Variants in UPF2 observed in about 807,000 individuals in gnomAD.
UPF2 encodes the protein regulator of nonsense transcripts 2.
In UPF2, 17 loss-of-function variants were observed where a neutral mutation model predicts 141.4. The observed-to-expected ratio is 0.12, with a 90% confidence interval of 0.08 to 0.18. UPF2 has a LOEUF of 0.18. Ranked by LOEUF, UPF2 falls within the 10% of genes least tolerant of loss-of-function variation. The probability of loss-of-function intolerance (pLI) is 1.00; values close to 1 mark genes in which losing one functional copy is unlikely to be tolerated. For synonymous variants in UPF2, 540 were observed against 498.0 expected (o/e 1.08, Z -1.12); for missense variants, 1,152 against 1,515.9 (o/e 0.76, Z 3.99).
At chr10:11,988,038 A>G (rs1394184460) in intron 8 of UPF2, among the ~76,000 whole-genome samples, 3 of 152,230 alleles carry the variant, frequency 2.0e-5, no homozygotes, top group African/African-American at 7.2e-5. Flanking sequence ...CCTAGAATAT[A>G]TAAATAACTC....
chr10:12,009,069 A>G (rs1834086279), intron 4 of UPF2, among the ~76,000 whole-genome samples: 1 of 151,718 alleles, frequency 6.6e-6, no homozygotes, highest in South Asian at 2.1e-4. Flanking sequence ...TATGTACCAC[A>G]TTTTCTCTAT....
chr10:12,038,213 T>C (rs1009954205), intron 1 of UPF2, among the ~76,000 whole-genome samples: 6 of 151,798 alleles, frequency 4.0e-5, no homozygotes, highest in Admixed American at 1.3e-4. Flanking sequence ...TGAAACCCCA[T>C]CTCTACTGAA....
At chr10:11,924,577 C>CA (rs57209815) in intron 21 of UPF2, among the ~76,000 whole-genome samples, 125,463 of 149,362 alleles carry the variant, frequency 0.84, 52,941 homozygotes, top group Non-Finnish European at 0.89. Flanking sequence ...CATGTCGTCT[C>CA]AAAAAAAAAA....
intron 8 of UPF2, among the ~76,000 whole-genome samples, chr10:11,988,530 C>A (rs148883316): frequency 6.6e-6 from 1 of 152,162 alleles, no homozygotes; most frequent in Admixed American, 6.5e-5. Context: ...GTCTCAGACT[C>A]CTGGCTTTAG....
At chr10:11,964,356 C>T (rs999831454) in intron 10 of UPF2, among the ~76,000 whole-genome samples, 9 of 152,102 alleles carry the variant, frequency 5.9e-5, no homozygotes, top group Non-Finnish European at 1.0e-4. Context: ...ATGTCAAACC[C>T]CTTTCTATAT....
At chr10:11,954,071 T>C (rs1833111178) in intron 14 of UPF2, among the ~76,000 whole-genome samples, 1 of 152,216 alleles carries the variant, frequency 6.6e-6, no homozygotes, top group Non-Finnish European at 1.5e-5. Context: ...TAGAAAATTG[T>C]ATTTTATGGG....
intron 21 of UPF2, among the ~76,000 whole-genome samples, chr10:11,925,758 A>C (rs1362427299): frequency 6.6e-6 from 1 of 152,224 alleles, no homozygotes; most frequent in African/African-American, 2.4e-5. Flanking sequence ...CACACAGAGG[A>C]GGCAAAAAGA....
rs1282938333 is a variant in UPF2, at chr10:11,980,591, G to A, written c.1845-1426C>T. 6.6e-6 allele frequency among the ~76,000 whole-genome samples: 1 copy of A among 151,960 alleles called. No homozygotes were observed. The highest frequency in any genetic ancestry group is 2.4e-5 in the African/African-American group (1 of 41,346). On this transcript the variant is annotated intron_variant, in intron 8 of 21. Coordinates refer to ENST00000357604, the MANE Select transcript of UPF2 (RefSeq NM_015542.4). The surrounding 1 kb of genome is among the most constrained non-coding windows in gnomAD (Gnocchi z 4.2). ...CTACCAAAAATATAAAAATTAGCTG[G>A]GCGTGGTGACAGATGCCTGCAATCC...
intron 18 of UPF2, among the ~76,000 whole-genome samples, chr10:11,937,220 T>C (rs1045348623): frequency 3.9e-5 from 6 of 152,240 alleles, no homozygotes; most frequent in Non-Finnish European, 7.3e-5. Context: ...TATCAATTAT[T>C]TTTAGCATTT....
Position 12,022,423 on chromosome 10 carries a change from AAG to A in UPF2, c.1145+6320_1145+6321del, listed in dbSNP as rs1491035171. Among the ~76,000 whole-genome samples the A allele has an allele frequency of 4.9e-3, 312 of 63,256 alleles. 2 individuals carry two copies. The highest frequency in any genetic ancestry group is 8.7e-3 in the African/African-American group (285 of 32,780). 41.5% of individuals were successfully genotyped at this position (63,256 alleles called of 152,430 possible). On this transcript the variant is annotated intron_variant, in intron 3 of 21. Coordinates refer to ENST00000357604, the MANE Select transcript of UPF2 (RefSeq NM_015542.4). ...GAGACTCCGTCTCAAAAAAAAAAAA[AAG>A]AAAAAAATTATCTTAGATTTTCTTT... is the stretch of plus-strand genomic sequence containing the variant.
In UPF2 at chr10:11,931,589, G is replaced by T. The variant is rs1832782506; in HGVS notation, c.3688+52C>A. The T allele has an allele frequency of 4.1e-6, 6 of 1,480,698 alleles. No individual in the cohort carries two copies. The African/African-American group carries it at 8.5e-5, about 21-fold the overall frequency. The allele number at this position is 1,480,698 out of a possible 1,614,324, so 91.7% of individuals were successfully genotyped here. ...GAAGATGAGACAAAATAACAATTTT[G>T]ATGCTCAAAAGGCAACAAAAATTTC... On this transcript the variant is annotated intron_variant, in intron 20 of 21. Coordinates refer to ENST00000357604, the MANE Select transcript of UPF2 (RefSeq NM_015542.4). The surrounding 1 kb of genome is among the most constrained non-coding windows in gnomAD (Gnocchi z 5.9).
intron 16 of UPF2, among the ~76,000 whole-genome samples, chr10:11,947,157 A>G (rs1833011420): frequency 1.3e-5 from 2 of 152,178 alleles, no homozygotes; most frequent in African/African-American, 4.8e-5. Flanking sequence ...AGCCGAGATC[A>G]TGCCACTGCA....
At chr10:11,932,098 G>A (rs575424647) in intron 19 of UPF2, among the ~76,000 whole-genome samples, 10 of 151,712 alleles carry the variant, frequency 6.6e-5, no homozygotes, top group Admixed American at 2.0e-4. Context: ...GCAGTGAGCC[G>A]AGATTGTGCC....
At chr10:12,037,278 C>T (rs1312960565) in intron 1 of UPF2, among the ~76,000 whole-genome samples, 1 of 152,090 alleles carries the variant, frequency 6.6e-6, no homozygotes, top group Non-Finnish European at 1.5e-5. Context: ...GATGGGATTT[C>T]CCCATGTTGA....
At chr10:12,025,303 C>T (rs757043518) in intron 3 of UPF2, among the ~76,000 whole-genome samples, 1 of 152,176 alleles carries the variant, frequency 6.6e-6, no homozygotes, top group Non-Finnish European at 1.5e-5. Flanking sequence ...GTAATCCCAG[C>T]ACTCTGGGAG....
Position 11,935,021 on chromosome 10 carries a change from C to T in UPF2, c.3546+1524G>A, listed in dbSNP as rs998778757. ...CACAAGTATAGTGCACAATTTTGATCTCGGTGTACATGAGAAGTTGCCTGA... is the reference window on the plus strand; with the variant it reads ...CACAAGTATAGTGCACAATTTTGATTTCGGTGTACATGAGAAGTTGCCTGA... On this transcript the variant is annotated intron_variant, in intron 19 of 21. Transcript: ENST00000357604. The surrounding 1 kb of genome is among the most constrained non-coding windows in gnomAD (Gnocchi z 4.9). 6.6e-6 allele frequency among the ~76,000 whole-genome samples: 1 copy of T among 152,088 alleles called. No homozygotes were observed. Among genetic ancestry groups the T allele is most frequent in the South Asian group, 2.1e-4 (1 of 4,818 alleles).
chr10:11,972,482 G>A (rs781615872), intron 9 of UPF2, among the ~76,000 whole-genome samples: 14 of 152,062 alleles, frequency 9.2e-5, no homozygotes, highest in African/African-American at 3.1e-4. Context: ...TGCTGCACCC[G>A]TTAACTCGTC....
At chr10:12,036,371 C>T (rs1443453330) in intron 1 of UPF2, among the ~76,000 whole-genome samples, 2 of 152,192 alleles carry the variant, frequency 1.3e-5, no homozygotes, top group African/African-American at 2.4e-5. Flanking sequence ...AACTGCTGCA[C>T]TAGTCATATG....
chr10:12,020,171 T>C (rs1446299440), intron 3 of UPF2, among the ~76,000 whole-genome samples: 2 of 152,092 alleles, frequency 1.3e-5, no homozygotes, highest in Admixed American at 6.5e-5. Context: ...TCTTTTCCAT[T>C]TTTTCATTTT....
Sources: gnomAD v4.1 joint callset for allele counts (sites outside exome capture counted in the v4.1 genomes callset) on GRCh38, gnomAD v4.1.1 for gene constraint, Gnocchi (gnomAD v3.1) non-coding constraint, MANE v1.5 for transcripts, NCBI Gene and HGNC (gene_info 2026-07-23, HGNC 2026-07-21) for gene names.